The following SYT3 variants were observed in gnomAD, a reference collection of about 807,000 sequenced individuals.
SYT3 encodes the protein synaptotagmin-3.
A neutral mutation model predicts 50.6 loss-of-function variants in SYT3; 25 were observed. The observed-to-expected ratio is 0.49, with a 90% confidence interval of 0.36 to 0.69. SYT3 has a LOEUF of 0.69. SYT3 is among the 30% of genes least tolerant of loss of function. The pLI, the probability that SYT3 is intolerant of heterozygous loss-of-function variation, is 0.00. For synonymous variants in SYT3, 323 were observed against 353.9 expected (o/e 0.91, Z 0.98); for missense variants, 589 against 793.6 (o/e 0.74, Z 3.10).
At chr19:50,648,070 G>T in the SYT3 span, among the ~76,000 whole-genome samples, 2 of 152,114 alleles carry the variant, frequency 1.3e-5, no homozygotes, top group African/African-American at 4.8e-5. Context: ...CTGGATCCAG[G>T]TGTTCCAATC....
the SYT3 span, among the ~76,000 whole-genome samples, chr19:50,651,528 C>G: frequency 6.6e-6 from 1 of 151,998 alleles, no homozygotes; most frequent in Non-Finnish European, 1.5e-5. Context: ...ATCTCTTGGT[C>G]CCCAGCATCC....
At chr19:50,656,997 G>A in the SYT3 span, among the ~76,000 whole-genome samples, 58 of 146,138 alleles carry the variant, frequency 4.0e-4, no homozygotes, top group African/African-American at 1.5e-3. Flanking sequence ...GGAAGGAAGG[G>A]AGGGAGGGAA....
rs140350128 is a variant in SYT3, at chr19:50,629,930, C to T, written c.916G>A (p.Ala306Thr). 39 of 1,613,936 alleles carry T rather than the reference C, an allele frequency of 2.4e-5. No homozygotes were observed. The highest frequency in any genetic ancestry group is 1.6e-4 in the Middle Eastern group (1 of 6,082). ...TCCGAGCCATAGAGGTACCGCAGGG[C>T]GAAGCTGATACGGCCACAGGGTGCC... ...TGAPCGRISF[A>T]LRYLYGSDQL... Residue 306 changes from alanine to threonine, a missense_variant, in exon 5 of 11, where the codon GCC (alanine) becomes ACC (threonine). Coordinates refer to ENST00000600079, the MANE Select transcript of SYT3 (RefSeq NM_001160329.2).
rs746056284 is a variant in SYT3, at chr19:50,637,278, C to T, written c.134G>A (p.Arg45Gln). The T allele has an allele frequency of 1.5e-5, 25 of 1,613,152 alleles. No individual in the cohort carries two copies. The South Asian group carries it at 1.9e-4, about 12-fold the overall frequency. The change falls in exon 3 of 11, where the codon CGG becomes CAG. Residue 45 changes from arginine (R) to glutamine (Q), a missense_variant. Physicochemically the swap from Arg to Gln is conservative, Grantham distance 43. Around this residue, in one of 2 missense-constraint regions of SYT3, gnomAD observed 316 missense variants for 354.3 expected, o/e 0.89. Transcript: ENST00000600079. This position sits in a 1 kb window ranked among gnomAD's most constrained non-coding sequence, Gnocchi z 4.9. ...EFNDRIRGYP[R>Q]GPDADISVSL... ...GGGGTGCTGACCTGCATCTGGACCC[C>T]GGGGATAGCCTCGGATTCGGTCATT...
chr19:50,652,670 G>C, the SYT3 span, among the ~76,000 whole-genome samples: 1 of 152,170 alleles, frequency 6.6e-6, no homozygotes, highest in East Asian at 1.9e-4. Flanking sequence ...ATCACGTGTG[G>C]TCTTATGGTC....
At chr19:50,623,328 C>G (rs980611998) in intron 9 of SYT3, among the ~76,000 whole-genome samples, 12 of 152,062 alleles carry the variant, frequency 7.9e-5, no homozygotes, top group Admixed American at 7.9e-4. Flanking sequence ...TTTCCAATCT[C>G]AAATCTGAGT....
intron 9 of SYT3, among the ~76,000 whole-genome samples, chr19:50,623,849 AATTAATGCAAAAAAATCAAT>A (rs1228153223): frequency 6.6e-6 from 1 of 152,054 alleles, no homozygotes; most frequent in Non-Finnish European, 1.5e-5. Context: ...AAAAAATCAA[AATTAATGCAAAAAAATCAAT>A]GATGAAGAAA....
In SYT3 at chr19:50,625,287, G is replaced by T; in HGVS notation, c.1582C>A (p.His528Asn). 2 of 1,537,084 alleles carry T rather than the reference G, an allele frequency of 1.3e-6. No individual in the cohort carries two copies. The highest frequency in any genetic ancestry group is 8.7e-7 in the Non-Finnish European group (1 of 1,144,358). ...CGGCACACGCCGATCACCTCGTTGTGCCCGATGCTGGGGGTTGGGGTCAGT... is the reference window on the plus strand; with the variant it reads ...CGGCACACGCCGATCACCTCGTTGTTCCCGATGCTGGGGGTTGGGGTCAGT... ...IAVVDYDCIGHNEVIGVCRVG... is the reference protein window; with the variant it reads ...IAVVDYDCIGNNEVIGVCRVG... Residue 528 changes from histidine to asparagine, a missense_variant, in exon 9 of 11, where the codon CAC (histidine) becomes AAC (asparagine). Physicochemically the swap from His to Asn is moderately conservative, Grantham distance 68 (BLOSUM62 1). Transcript: ENST00000600079. The surrounding 1 kb of genome is among the most constrained non-coding windows in gnomAD (Gnocchi z 7.5).
the SYT3 span, among the ~76,000 whole-genome samples, chr19:50,654,542 C>T: frequency 6.6e-6 from 1 of 152,056 alleles, no homozygotes; most frequent in East Asian, 1.9e-4. Flanking sequence ...CGTGATCTGC[C>T]CGCTTCAGCC....
At chr19:50,647,887 C>T in the SYT3 span, among the ~76,000 whole-genome samples, 1 of 152,160 alleles carries the variant, frequency 6.6e-6, no homozygotes, top group Admixed American at 6.5e-5. Context: ...AAATGGAAGA[C>T]AGCTTGATGG....
At chr19:50,626,133 C>T (rs1019293062) in intron 6 of SYT3, 116 bp from the exon 7 acceptor site, 3 of 1,446,040 alleles carry the variant, frequency 2.1e-6, no homozygotes, top group South Asian at 2.8e-5. Flanking sequence ...GCTCAGGCTT[C>T]CCATCCACTT....
chr19:50,646,084 A>G, the SYT3 span, among the ~76,000 whole-genome samples: 8 of 152,168 alleles, frequency 5.3e-5, no homozygotes, highest in African/African-American at 1.9e-4. Flanking sequence ...AGGAGGAGGG[A>G]CAGTGACATC....
At chr19:50,657,546 T>C in the SYT3 span, among the ~76,000 whole-genome samples, 2 of 152,114 alleles carry the variant, frequency 1.3e-5, no homozygotes, top group Non-Finnish European at 2.9e-5. Context: ...GACCCTTATC[T>C]TTTGACTACT....
chr19:50,650,545 C>T, the SYT3 span, among the ~76,000 whole-genome samples: 43 of 152,150 alleles, frequency 2.8e-4, no homozygotes, highest in African/African-American at 7.7e-4. Flanking sequence ...GTGCCGGGTG[C>T]CTGTAATCCC....
chr19:50,656,158 C>T, the SYT3 span: 85 of 1,536,118 alleles, frequency 5.5e-5, no homozygotes, highest in East Asian at 7.3e-5. Flanking sequence ...CTCTATCTTC[C>T]GCCTCCCCAA....
the SYT3 span, among the ~76,000 whole-genome samples, chr19:50,652,134 C>A: frequency 6.6e-6 from 1 of 152,176 alleles, no homozygotes; most frequent in Non-Finnish European, 1.5e-5. Context: ...TAGGTGTGAA[C>A]CACCATGCCC....
rs372300675 is a variant in SYT3 at position 50,639,416 on chromosome 19, ATTTT to A, written c.-153-258_-153-255del. 0.022 allele frequency: 3,134 copies of A among 143,922 alleles called. 108 individuals are homozygous for A. Among genetic ancestry groups the A allele is most frequent in the African/African-American group, 0.074 (2,930 of 39,402 alleles). The allele number at this position is 143,922 out of a possible 1,614,324, so 8.9% of individuals were successfully genotyped here. A position where few individuals can be genotyped will look rare whatever the true frequency, so the allele number is the denominator to read the frequency against. ...GCCTCCGGGCTGCAGAGAGGATGGG[ATTTT>A]TTTTTTTTTTTTAAGGTTTTGGGGG... On this transcript the variant is annotated intron_variant, in intron 1 of 10. Transcript: ENST00000600079. The surrounding 1 kb of genome is among the most constrained non-coding windows in gnomAD (Gnocchi z 4.6).
intron 6 of SYT3, among the ~76,000 whole-genome samples, chr19:50,627,955 C>T (rs1050963572): frequency 6.6e-6 from 1 of 152,180 alleles, no homozygotes; most frequent in South Asian, 2.1e-4. Context: ...CTGGGCACTT[C>T]AATCTCAAAG....
At position 50,629,990 on chromosome 19, in the gene SYT3, C is replaced by G; in HGVS notation, c.856G>C (p.Gly286Arg). ...GCCTCTCCAGAGCCTGGGCCCCCAC[C>G]GCTCCGCCGGCCACCAGGGCCAGTC... ...QGTGPGGRRS[G>R]GGPGSGEAGT... is the part of the protein sequence containing the mutation. The change falls in exon 5 of 11, where the codon GGT becomes CGT. Residue 286 changes from glycine (G) to arginine (R), a missense_variant. This residue lies in a region of SYT3 where 273 missense variants were observed against 439.3 expected (regional missense o/e 0.62). Coordinates refer to ENST00000600079, the MANE Select transcript of SYT3 (RefSeq NM_001160329.2). The G allele has an allele frequency of 2.5e-6, 4 of 1,613,802 alleles. No homozygotes were observed. Among genetic ancestry groups the G allele is most frequent in the Non-Finnish European group, 3.4e-6 (4 of 1,179,842 alleles).
Sources: gnomAD v4.1 joint callset for allele counts (sites outside exome capture counted in the v4.1 genomes callset) on GRCh38, gnomAD v4.1.1 for gene constraint, gnomAD v4.1.1 regional missense constraint, Gnocchi (gnomAD v3.1) non-coding constraint, MANE v1.5 for transcripts, NCBI Gene and HGNC (gene_info 2026-07-23, HGNC 2026-07-21) for gene names.